The following KIAA1958 variants were observed in gnomAD, a reference collection of about 807,000 sequenced individuals.
KIAA1958 encodes uncharacterized protein KIAA1958.
In KIAA1958, 14 loss-of-function variants were observed where a neutral mutation model predicts 47.2. The ratio of observed to expected loss-of-function variants is 0.30; its 90% CI spans 0.20 to 0.46. The LOEUF is 0.46. Among genes scored for constraint, KIAA1958 ranks in the 20% least tolerant of loss-of-function variants. The probability of loss-of-function intolerance (pLI) is 1.00; values close to 1 mark genes in which losing one functional copy is unlikely to be tolerated. For synonymous variants in KIAA1958, 354 were observed against 353.3 expected, an observed-to-expected ratio of 1.00 and a Z score of -0.02; for missense variants, 803 against 909.2, an observed-to-expected ratio of 0.88 and a Z score of 1.50.
intron 3 of KIAA1958, among the ~76,000 whole-genome samples, chr9:112,653,932 T>C (rs1171516610): frequency 6.6e-6 from 1 of 152,076 alleles, no homozygotes; most frequent in African/African-American, 2.4e-5. Context: ...GCAGAACCCC[T>C]TGAAGCCTGG....
chr9:112,499,688 C>CTTT (rs917810043), intron 1 of KIAA1958, among the ~76,000 whole-genome samples: 14 of 130,496 alleles, frequency 1.1e-4, no homozygotes, highest in South Asian at 2.5e-4. Flanking sequence ...ACATTTTTTT[C>CTTT]TTTTTTTTTT....
chr9:112,547,619 T>G (rs1835062718), intron 1 of KIAA1958, among the ~76,000 whole-genome samples: 1 of 151,990 alleles, frequency 6.6e-6, no homozygotes, highest in Middle Eastern at 3.2e-3. Flanking sequence ...AGCAGTAAGA[T>G]ACCAACACGA....
chr9:112,638,840 A>G (rs1165239821), intron 2 of KIAA1958, among the ~76,000 whole-genome samples: 5 of 151,864 alleles, frequency 3.3e-5, no homozygotes, highest in African/African-American at 9.7e-5. Flanking sequence ...ATTGTTTTCT[A>G]TTGACCTTTC....
At chr9:112,536,393 G>T (rs1210892518) in intron 1 of KIAA1958, among the ~76,000 whole-genome samples, 5 of 152,150 alleles carry the variant, frequency 3.3e-5, no homozygotes, top group Non-Finnish European at 7.4e-5. Flanking sequence ...TTCAATAAAA[G>T]ACAAGATATC....
intron 1 of KIAA1958, among the ~76,000 whole-genome samples, chr9:112,499,203 G>A (rs892639750): frequency 6.6e-6 from 1 of 151,756 alleles, no homozygotes; most frequent in Non-Finnish European, 1.5e-5. Flanking sequence ...CAATAAACAT[G>A]GTGGTGGAGA....
intron 2 of KIAA1958, among the ~76,000 whole-genome samples, chr9:112,586,367 T>C (rs910641687): frequency 6.6e-6 from 1 of 152,224 alleles, no homozygotes; most frequent in Non-Finnish European, 1.5e-5. Context: ...TTGCTTATTT[T>C]TGTGGACTAG....
intron 1 of KIAA1958, among the ~76,000 whole-genome samples, chr9:112,543,402 A>G (rs140807101): frequency 9.9e-5 from 15 of 152,276 alleles, no homozygotes; most frequent in African/African-American, 3.4e-4. Context: ...ATTAACCACT[A>G]ATAACCATTA....
chr9:112,492,835 G>A (rs534675729), intron 1 of KIAA1958, among the ~76,000 whole-genome samples: 16 of 151,426 alleles, frequency 1.1e-4, no homozygotes, highest in Non-Finnish European at 1.9e-4. Context: ...CTGCAGCCTC[G>A]ACCTCCTGAG....
chr9:112,518,572 G>C (rs1350825157), intron 1 of KIAA1958, among the ~76,000 whole-genome samples: 5 of 152,202 alleles, frequency 3.3e-5, no homozygotes, highest in African/African-American at 1.2e-4. Context: ...TGTGAGATTG[G>C]GAGGGTGGAA....
chr9:112,655,617 A>G (rs892813963), intron 3 of KIAA1958, among the ~76,000 whole-genome samples: 16 of 152,252 alleles, frequency 1.1e-4, no homozygotes, highest in Non-Finnish European at 2.1e-4. Context: ...TTCCAGAGCT[A>G]GCAGTGGGTA....
intron 1 of KIAA1958, among the ~76,000 whole-genome samples, chr9:112,530,676 C>A (rs1834737340): frequency 6.6e-6 from 1 of 152,160 alleles, no homozygotes; most frequent in Non-Finnish European, 1.5e-5. Flanking sequence ...TTTTACTTCG[C>A]AAATCATATT....
intron 1 of KIAA1958, among the ~76,000 whole-genome samples, chr9:112,491,524 A>C (rs1377890437): frequency 6.6e-6 from 1 of 151,910 alleles, no homozygotes; most frequent in African/African-American, 2.4e-5. Context: ...ATATGTATGG[A>C]ATGGCTAGTA....
At chr9:112,614,856 T>G (rs867511208) in intron 2 of KIAA1958, among the ~76,000 whole-genome samples, 1 of 152,138 alleles carries the variant, frequency 6.6e-6, no homozygotes, top group South Asian at 2.1e-4. Flanking sequence ...GATACAGAAG[T>G]AGGAGAGCTT....
At position 112,575,210 on chromosome 9, in the gene KIAA1958, C is replaced by A; in HGVS notation, c.1130C>A (p.Ala377Asp). The A allele has an allele frequency of 6.3e-7, 1 of 1,576,184 alleles. No homozygotes were observed. The highest frequency in any genetic ancestry group is 8.6e-7 in the Non-Finnish European group (1 of 1,168,424). The change falls in exon 2 of 4, where the codon GCT becomes GAT. Residue 377 changes from alanine (A) to aspartate (D), a missense_variant. Coordinates refer to ENST00000337530, the MANE Select transcript of KIAA1958 (RefSeq NM_133465.4). ...VSSSQQQPPV[A>D]PAITTEATAQ... ...TCCAGTCAGCAGCAGCCCCCAGTCG[C>A]TCCAGCCATAACCACTGAGGCCACA...
At chr9:112,623,032 A>G (rs1028842752) in intron 2 of KIAA1958, among the ~76,000 whole-genome samples, 7 of 152,190 alleles carry the variant, frequency 4.6e-5, no homozygotes, top group Admixed American at 1.3e-4. Flanking sequence ...TACCCATGCA[A>G]TTTATCCATT....
chr9:112,496,014 T>C lies in KIAA1958; in HGVS notation c.-25+8896T>C, dbSNP rs531125775. Among the ~76,000 whole-genome samples, 7 of 152,268 alleles carry C rather than the reference T, an allele frequency of 4.6e-5. No individual in the cohort carries two copies. The East Asian group carries it at 9.6e-4, about 21-fold the overall frequency. On this transcript the variant is annotated intron_variant, in intron 1 of 3. Coordinates refer to ENST00000337530, the MANE Select transcript of KIAA1958 (RefSeq NM_133465.4). Reference sequence around the variant, plus strand: ...TTGAGTGAGGCCATCTTTGACCTTATAGTTTAGCTGACCTTCCTTCCAGCT... The same window carrying C: ...TTGAGTGAGGCCATCTTTGACCTTACAGTTTAGCTGACCTTCCTTCCAGCT...
At chr9:112,630,191 G>A (rs539857079) in intron 2 of KIAA1958, among the ~76,000 whole-genome samples, 3 of 152,304 alleles carry the variant, frequency 2.0e-5, no homozygotes, top group South Asian at 2.1e-4. Flanking sequence ...TGAATTAATC[G>A]TAGGCTTCCT....
intron 1 of KIAA1958, among the ~76,000 whole-genome samples, chr9:112,538,173 A>C (rs1388889159): frequency 6.6e-6 from 1 of 152,116 alleles, no homozygotes; most frequent in African/African-American, 2.4e-5. Context: ...TCTACAAAAA[A>C]TAAAAAATAA....
chr9:112,630,289 G>T (rs781014858), intron 2 of KIAA1958, among the ~76,000 whole-genome samples: 4 of 152,114 alleles, frequency 2.6e-5, no homozygotes, highest in African/African-American at 4.8e-5. Flanking sequence ...GAGCTCTGTT[G>T]GCCATTTTTC....
Sources: allele counts gnomAD v4.1 joint callset (sites outside exome capture counted in the v4.1 genomes callset), GRCh38; gene constraint gnomAD v4.1.1; transcripts MANE v1.5; gene names NCBI Gene and HGNC (gene_info 2026-07-23, HGNC 2026-07-21).